Variants in CTNNA2 observed in about 807,000 individuals in gnomAD.
CTNNA2 encodes the protein catenin alpha 2.
Under a neutral mutation model 101.0 loss-of-function variants are expected in CTNNA2, and 42 were observed. The ratio of observed to expected loss-of-function variants is 0.42; its 90% CI spans 0.32 to 0.54. CTNNA2 has a LOEUF of 0.54. CTNNA2 is among the 20% of genes least tolerant of loss of function. The pLI, the probability that CTNNA2 is intolerant of heterozygous loss-of-function variation, is 0.14. For missense variants in CTNNA2, 871 were observed against 1,223.1 expected (o/e 0.71, Z 4.29); for synonymous variants, 450 against 456.4 (o/e 0.99, Z 0.18).
At chr2:79,724,050 C>T (rs1323716398) in intron 2 of CTNNA2, among the ~76,000 whole-genome samples, 1 of 152,180 alleles carries the variant, frequency 6.6e-6, no homozygotes, top group Admixed American at 6.5e-5. Context: ...TCCTCAACCA[C>T]CATCTCAGTT....
chr2:79,203,972 C>T (rs947132348), intron 2 of CTNNA2, among the ~76,000 whole-genome samples: 2 of 152,182 alleles, frequency 1.3e-5, no homozygotes. Context: ...TAGTGTCTTT[C>T]ATCCTCTGTG....
intron 7 of CTNNA2, among the ~76,000 whole-genome samples, chr2:79,924,841 TC>T (rs1027551104): frequency 1.3e-5 from 2 of 152,128 alleles, no homozygotes; most frequent in African/African-American, 4.8e-5. Context: ...AGATACTTGT[TC>T]CTGTTTAGAG....
intron 3 of CTNNA2, among the ~76,000 whole-genome samples, chr2:79,808,447 G>C (rs1356321293): frequency 6.6e-6 from 1 of 152,180 alleles, no homozygotes; most frequent in African/African-American, 2.4e-5. Flanking sequence ...GGGAAAGCCT[G>C]TCATAGCTTG....
chr2:80,232,144 C>G (rs1709249459), intron 7 of CTNNA2, among the ~76,000 whole-genome samples: 1 of 152,066 alleles, frequency 6.6e-6, no homozygotes, highest in Non-Finnish European at 1.5e-5. Flanking sequence ...TGGACCAAAC[C>G]AATGTATACG....
intron 2 of CTNNA2, among the ~76,000 whole-genome samples, chr2:79,283,282 T>C (rs2104344448): frequency 9.0e-6 from 1 of 111,628 alleles, no homozygotes; most frequent in African/African-American, 2.7e-5. Flanking sequence ...ATTTGTCAAT[T>C]TTGTCTTTTG....
chr2:79,895,868 A>C (rs984823377), intron 6 of CTNNA2, among the ~76,000 whole-genome samples: 1 of 152,178 alleles, frequency 6.6e-6, no homozygotes, highest in Non-Finnish European at 1.5e-5. Flanking sequence ...AATGGGCAGC[A>C]GATCTATTTT....
At chr2:79,718,270 T>G (rs893577224) in intron 2 of CTNNA2, among the ~76,000 whole-genome samples, 1 of 152,202 alleles carries the variant, frequency 6.6e-6, no homozygotes, top group Non-Finnish European at 1.5e-5. Flanking sequence ...AATTTTCTCT[T>G]TTCTTAAAAA....
At chr2:80,396,916 C>G (rs1678069878) in intron 8 of CTNNA2, among the ~76,000 whole-genome samples, 1 of 152,168 alleles carries the variant, frequency 6.6e-6, no homozygotes, top group Admixed American at 6.5e-5. Context: ...TCTATTATTA[C>G]AATCAAAACA....
At chr2:79,922,733 A>G (rs1686757457) in intron 7 of CTNNA2, among the ~76,000 whole-genome samples, 1 of 150,938 alleles carries the variant, frequency 6.6e-6, no homozygotes, top group Admixed American at 6.6e-5. Context: ...GATTATTTAG[A>G]TGAAAATGAG....
At chr2:79,418,544 C>T (rs1196744676) in intron 4 of CTNNA2, among the ~76,000 whole-genome samples, 1 of 152,122 alleles carries the variant, frequency 6.6e-6, no homozygotes, top group Non-Finnish European at 1.5e-5. Context: ...TCTTTCCTGA[C>T]CAAGGCTTCA....
At chr2:80,224,086 C>T (rs1025259823) in intron 7 of CTNNA2, among the ~76,000 whole-genome samples, 1 of 152,132 alleles carries the variant, frequency 6.6e-6, no homozygotes, top group African/African-American at 2.4e-5. Flanking sequence ...TTGTTCTAGC[C>T]CTCTTGACAC....
intron 2 of CTNNA2, among the ~76,000 whole-genome samples, chr2:79,290,385 C>A (rs960696931): frequency 6.6e-6 from 1 of 152,104 alleles, no homozygotes; most frequent in African/African-American, 2.4e-5. Context: ...GGGAAGGAAA[C>A]GGAGTGGTCC....
chr2:79,277,336 G>A (rs1439129006), intron 2 of CTNNA2, among the ~76,000 whole-genome samples: 2 of 151,952 alleles, frequency 1.3e-5, no homozygotes, highest in Admixed American at 6.6e-5. Flanking sequence ...ACGGCTGATC[G>A]AATCTCTGCC....
intron 8 of CTNNA2, among the ~76,000 whole-genome samples, chr2:80,417,872 T>C (rs1157814078): frequency 6.6e-6 from 1 of 152,170 alleles, no homozygotes; most frequent in Non-Finnish European, 1.5e-5. Context: ...TTTGTGCACA[T>C]TATCTTCCTG....
rs533617378 is a variant in CTNNA2 at position 79,918,442 on chromosome 2, G to C, written c.1056+8645G>C. ...CAGCTAGATGGCCAGCTAGATTAGG[G>C]GCCTCAGCAGAAAGTCTGGATTCCC... On this transcript the variant is annotated intron_variant, in intron 7 of 18. Coordinates refer to ENST00000402739, the MANE Select transcript of CTNNA2 (RefSeq NM_001282597.3). 1.2e-4 allele frequency among the ~76,000 whole-genome samples: 19 copies of C among 152,262 alleles called. No individual in the cohort carries two copies. The South Asian group carries it at 3.7e-3, about 30-fold the overall frequency.
At chr2:79,864,749 A>G (rs934508863) in intron 4 of CTNNA2, among the ~76,000 whole-genome samples, 1 of 152,194 alleles carries the variant, frequency 6.6e-6, no homozygotes, top group African/African-American at 2.4e-5. Flanking sequence ...TGAAAAATCA[A>G]TGCAGCATAG....
At chr2:79,608,036 G>A (rs947956614) in intron 1 of CTNNA2, among the ~76,000 whole-genome samples, 6 of 151,808 alleles carry the variant, frequency 4.0e-5, no homozygotes, top group Non-Finnish European at 7.4e-5. Context: ...TTAGAGGGGG[G>A]CGAAAAGTAG....
At chr2:80,637,521 T>A (rs138766722) in intron 18 of CTNNA2, among the ~76,000 whole-genome samples, 4 of 151,668 alleles carry the variant, frequency 2.6e-5, no homozygotes, top group African/African-American at 9.7e-5. Context: ...GAAGAGGTGA[T>A]CACAGGAACA....
rs1023235392 is a variant in CTNNA2 at position 79,959,971 on chromosome 2, T to A, written c.1056+50174T>A. ...GAGAATATTCAAATTGGCTACATGATGCTAATTCATGTTTAAAAGTGTCTG... is the reference window on the plus strand; with the variant it reads ...GAGAATATTCAAATTGGCTACATGAAGCTAATTCATGTTTAAAAGTGTCTG... On this transcript the variant is annotated intron_variant, in intron 7 of 18. Transcript: ENST00000402739. Among the ~76,000 whole-genome samples, 6 of 152,356 alleles carry A rather than the reference T, an allele frequency of 3.9e-5. No homozygotes were observed. The South Asian group carries it at 8.3e-4, about 21-fold the overall frequency.
Sources: allele counts gnomAD v4.1 joint callset (sites outside exome capture counted in the v4.1 genomes callset), GRCh38; gene constraint gnomAD v4.1.1; transcripts MANE v1.5; gene names NCBI Gene and HGNC (gene_info 2026-07-23, HGNC 2026-07-21).